Variants in NRP1 observed in about 807,000 individuals in gnomAD.
The protein encoded by NRP1 is neuropilin-1.
Under a neutral mutation model 106.7 loss-of-function variants are expected in NRP1, and 35 were observed. That is an observed-to-expected ratio of 0.33 (90% confidence interval 0.25 to 0.43). The LOEUF (loss-of-function observed/expected upper bound fraction) is 0.43. NRP1 is among the 20% of genes least tolerant of loss of function. The pLI, the probability that NRP1 is intolerant of heterozygous loss-of-function variation, is 1.00. For missense variants in NRP1, 1,024 were observed against 1,170.4 expected (o/e 0.87, Z 1.83); for synonymous variants, 437 against 417.9 (o/e 1.05, Z -0.56).
intron 8 of NRP1, among the ~76,000 whole-genome samples, chr10:33,214,807 G>A (rs1329626605): frequency 1.3e-5 from 2 of 152,150 alleles, no homozygotes; most frequent in Non-Finnish European, 2.9e-5. Context: ...CCAGGGCTTG[G>A]GGGAAATGGA....
chr10:33,304,784 T>A (rs114781372), intron 2 of NRP1, among the ~76,000 whole-genome samples: 94 of 152,320 alleles, frequency 6.2e-4, no homozygotes, highest in African/African-American at 2.0e-3. Flanking sequence ...TCCTCACAGA[T>A]GGCATCTGGC....
intron 2 of NRP1, among the ~76,000 whole-genome samples, chr10:33,306,242 A>G (rs892388597): frequency 1.3e-5 from 2 of 152,176 alleles, no homozygotes; most frequent in Non-Finnish European, 2.9e-5. Context: ...CATCCAGCTG[A>G]CATTGTTTCT....
intron 7 of NRP1, among the ~76,000 whole-genome samples, chr10:33,223,499 A>G (rs1839421835): frequency 6.6e-6 from 1 of 151,804 alleles, no homozygotes; most frequent in Admixed American, 6.6e-5. Flanking sequence ...GTGGTGGTGC[A>G]TGCCTGTGGT....
intron 5 of NRP1, among the ~76,000 whole-genome samples, chr10:33,254,859 G>A (rs1050016972): frequency 5.9e-5 from 9 of 152,194 alleles, no homozygotes; most frequent in African/African-American, 2.2e-4. Context: ...TCACAACAGT[G>A]AGCATAAGAA....
intron 6 of NRP1, among the ~76,000 whole-genome samples, chr10:33,253,168 T>C (rs2133168623): frequency 6.6e-6 from 1 of 152,314 alleles, no homozygotes; most frequent in South Asian, 2.1e-4. Context: ...CAGCTATGGA[T>C]GTTTCATTTA....
Position 33,207,849 on chromosome 10 carries a change from A to G in NRP1, c.1615-133T>C, listed in dbSNP as rs550016680. 1.1e-4 allele frequency: 87 copies of G among 796,646 alleles called. No homozygotes were observed. The African/African-American group carries it at 1.3e-3, about 12-fold the overall frequency. The allele number at this position is 796,646 out of a possible 1,614,324, so 49.3% of individuals were successfully genotyped here. ...GCTTCATTCTACCACTTTGTGGTAC[A>G]TCTCTTTCATAAACGAGAAAGGAAA... On this transcript the variant is annotated intron_variant, in intron 9 of 16. Transcript: ENST00000374867.
In NRP1 at chr10:33,213,380, C is replaced by A. The variant is rs763220139; in HGVS notation, c.1614+6G>T. 1 of 1,614,104 alleles carries A rather than the reference C, an allele frequency of 6.2e-7. No homozygotes were observed. The highest frequency in any genetic ancestry group is 2.2e-5 in the East Asian group (1 of 44,860). ...GGATGACCTCCTCCCAGTCCCCAGC[C>A]CTCACCTTCGCCTTGCGTTTGCTGT... On this transcript the variant is annotated splice_donor_region_variant and intron_variant, in intron 9 of 16. Coordinates refer to ENST00000374867, the MANE Select transcript of NRP1 (RefSeq NM_003873.7).
intron 1 of NRP1, among the ~76,000 whole-genome samples, chr10:33,332,878 A>AGC (rs1848381881): frequency 6.7e-6 from 1 of 149,930 alleles, no homozygotes; most frequent in South Asian, 2.1e-4. Context: ...AAAACTAAGA[A>AGC]GTGTGTGTGT....
At chr10:33,186,652 C>T (rs897370201) in intron 13 of NRP1, among the ~76,000 whole-genome samples, 164 bp from the exon 14 acceptor site, 2 of 152,108 alleles carry the variant, frequency 1.3e-5, no homozygotes, top group African/African-American at 4.8e-5. Flanking sequence ...CTCATGGGCA[C>T]CTAAGGCCCT....
intron 9 of NRP1, among the ~76,000 whole-genome samples, chr10:33,208,569 C>T (rs1253430930): frequency 6.6e-6 from 1 of 152,160 alleles, no homozygotes; most frequent in Non-Finnish European, 1.5e-5. Context: ...ATCCTCTTCT[C>T]CAGCATCATT....
At chr10:33,242,986 AC>A (rs1306914306) in intron 6 of NRP1, among the ~76,000 whole-genome samples, 5 of 152,134 alleles carry the variant, frequency 3.3e-5, no homozygotes, top group Non-Finnish European at 7.3e-5. Flanking sequence ...TTTTGGCAAG[AC>A]TTTAAGGTGT....
intron 2 of NRP1, among the ~76,000 whole-genome samples, chr10:33,307,919 T>C (rs1033536093): frequency 1.3e-5 from 2 of 152,160 alleles, no homozygotes; most frequent in Non-Finnish European, 2.9e-5. Flanking sequence ...TGCACACATA[T>C]GTTCTTTATA....
intron 7 of NRP1, among the ~76,000 whole-genome samples, chr10:33,224,407 T>C (rs1275435725): frequency 6.6e-6 from 1 of 151,982 alleles, no homozygotes; most frequent in Non-Finnish European, 1.5e-5. Context: ...GGTTTTTTTT[T>C]CCTTAACAAA....
At chr10:33,242,013 C>A (rs1320576226) in intron 6 of NRP1, among the ~76,000 whole-genome samples, 2 of 152,246 alleles carry the variant, frequency 1.3e-5, no homozygotes, top group East Asian at 3.9e-4. Context: ...TTGTATTAAA[C>A]CCTTCTGGAA....
At chr10:33,327,122 C>G (rs923582753) in intron 2 of NRP1, among the ~76,000 whole-genome samples, 1 of 151,100 alleles carries the variant, frequency 6.6e-6, no homozygotes, top group Non-Finnish European at 1.5e-5. Flanking sequence ...TGGAAGTTGA[C>G]TATACAAATA....
At chr10:33,258,938 A>G (rs1403676137) in intron 4 of NRP1, among the ~76,000 whole-genome samples, 2 of 152,034 alleles carry the variant, frequency 1.3e-5, no homozygotes, top group Non-Finnish European at 1.5e-5. Context: ...TTTAAATTAC[A>G]TTAGTGTGGC....
At chr10:33,236,223 A>G (rs1840541051) in intron 6 of NRP1, among the ~76,000 whole-genome samples, 1 of 152,262 alleles carries the variant, frequency 6.6e-6, no homozygotes, top group Non-Finnish European at 1.5e-5. Flanking sequence ...GAAATTGCCT[A>G]ACTGAAATTT....
chr10:33,203,096 G>A lies in NRP1; in HGVS notation c.1760-101C>T, dbSNP rs1837472961. ...ACGCTTATGCAGAAAACTTTAATCT[G>A]CGGTAAGAAGACCAGGGGCATGGTT... On this transcript the variant is annotated intron_variant, in intron 10 of 16. Coordinates refer to ENST00000374867, the MANE Select transcript of NRP1 (RefSeq NM_003873.7). 9 of 1,169,740 alleles carry A rather than the reference G, an allele frequency of 7.7e-6. No individual in the cohort carries two copies. The South Asian group carries it at 9.3e-5, about 12-fold the overall frequency. 72.5% of individuals were successfully genotyped at this position (1,169,740 alleles called of 1,614,324 possible).
rs778973864 is a variant in NRP1 at position 33,226,308 on chromosome 10, C to G, written c.982-19G>C. ...AGTCTACCTGCAAGACAAGTACAAG[C>G]GTGGTCAGTGCACCATCCCTGCAGC... On this transcript the variant is annotated intron_variant, in intron 6 of 16. Coordinates refer to ENST00000374867, the MANE Select transcript of NRP1 (RefSeq NM_003873.7). The G allele has an allele frequency of 6.2e-7, 1 of 1,613,660 alleles. No individual in the cohort carries two copies. The highest frequency in any genetic ancestry group is 1.1e-5 in the South Asian group (1 of 91,048).
Sources: allele counts gnomAD v4.1 joint callset (sites outside exome capture counted in the v4.1 genomes callset), GRCh38; gene constraint gnomAD v4.1.1; transcripts MANE v1.5; gene names NCBI Gene and HGNC (gene_info 2026-07-23, HGNC 2026-07-21).